PDE10A: variants seen among roughly 807,000 people sequenced by gnomAD.
The protein encoded by PDE10A is cAMP and cAMP-inhibited cGMP 3',5'-cyclic phosphodiesterase 10A.
In PDE10A, 39 loss-of-function variants were observed where a neutral mutation model predicts 97.7. That is an observed-to-expected ratio of 0.40 (90% CI 0.31 to 0.52). The LOEUF is 0.52. Ranked by LOEUF, PDE10A falls within the 20% of genes least tolerant of loss-of-function variation. The pLI is 0.56. For synonymous variants in PDE10A, 371 were observed against 376.8 expected (o/e 0.98, Z 0.18); for missense variants, 731 against 1,047.8 (o/e 0.70, Z 4.17).
intron 1 of PDE10A, among the ~76,000 whole-genome samples, chr6:165,831,979 C>CA (rs57824477): frequency 0.06 from 9,126 of 151,814 alleles, 389 homozygotes; most frequent in African/African-American, 0.12. Flanking sequence ...TGCAAACAAA[C>CA]AAAAAAACCA....
chr6:165,464,557 A>T (rs1419372075), intron 3 of PDE10A, among the ~76,000 whole-genome samples: 2 of 152,228 alleles, frequency 1.3e-5, no homozygotes, highest in African/African-American at 4.8e-5. Context: ...ACACTGAAAT[A>T]TACAAATCTT....
intron 17 of PDE10A, among the ~76,000 whole-genome samples, chr6:165,382,713 C>T (rs531494279): frequency 3.4e-5 from 5 of 145,744 alleles, no homozygotes; most frequent in African/African-American, 1.3e-4. Flanking sequence ...CATGATAAAA[C>T]GATTACTATT....
rs770914894 is a variant in PDE10A, at chr6:165,661,905, G to A, written c.865+42C>T. On this transcript the variant is annotated intron_variant, in intron 1 of 21. Transcript: ENST00000539869. This position sits in a 1 kb window ranked among gnomAD's most constrained non-coding sequence, Gnocchi z 4.8. The stretch of plus-strand genomic sequence containing the variant: ...CCCCCCACCTGCCCCCAGGGGATGA[G>A]GAGCCGCCCCACCTCCGGGGAACGG... 24 of 802,144 alleles carry A rather than the reference G, an allele frequency of 3.0e-5. No homozygotes were observed. In the South Asian group the frequency reaches 3.5e-4, roughly 12 times the overall value. The allele number at this position is 802,144 out of a possible 1,614,324, so 49.7% of individuals were successfully genotyped here. A position where few individuals can be genotyped will look rare whatever the true frequency, so the allele number is the denominator to read the frequency against.
At position 165,428,351 on chromosome 6, in the gene PDE10A, A is replaced by G. The variant is rs138293468; in HGVS notation, c.1653+307T>C. On this transcript the variant is annotated intron_variant, in intron 10 of 21. Coordinates refer to ENST00000539869, the MANE Select transcript of PDE10A (RefSeq NM_001385079.1). ...GAACTTGAAGATCAGGAAAAAATCA[A>G]TCGAGAATTCCCCACATGTCCCATA... Among the ~76,000 whole-genome samples, 572 of 152,280 alleles carry G rather than the reference A, an allele frequency of 3.8e-3. 3 individuals carry two copies. Among genetic ancestry groups the G allele is most frequent in the African/African-American group, 0.013 (551 of 41,578 alleles).
At chr6:165,590,613 C>G (rs1460228902) in intron 1 of PDE10A, among the ~76,000 whole-genome samples, 1 of 152,182 alleles carries the variant, frequency 6.6e-6, no homozygotes, top group East Asian at 1.9e-4. Flanking sequence ...TTAAGATGGT[C>G]AGGCACAGTG....
intron 1 of PDE10A, among the ~76,000 whole-genome samples, chr6:165,794,080 CTGTT>C (rs1454247842): frequency 2.0e-5 from 3 of 152,016 alleles, no homozygotes; most frequent in Non-Finnish European, 2.9e-5. Flanking sequence ...CTCCAGCCTC[CTGTT>C]TATTGTGATG....
intron 1 of PDE10A, among the ~76,000 whole-genome samples, chr6:165,794,945 T>A (rs955047982): frequency 1.3e-5 from 2 of 152,218 alleles, no homozygotes; most frequent in Non-Finnish European, 2.9e-5. Context: ...CTGCACACAA[T>A]CCTATTATAG....
chr6:165,484,657 A>G (rs2128282747), intron 2 of PDE10A, among the ~76,000 whole-genome samples: 1 of 152,292 alleles, frequency 6.6e-6, no homozygotes, highest in South Asian at 2.1e-4. Context: ...TTGCACACTC[A>G]TATCAAAACT....
chr6:165,596,844 T>C (rs1274703993), intron 1 of PDE10A, among the ~76,000 whole-genome samples: 1 of 152,146 alleles, frequency 6.6e-6, no homozygotes, highest in African/African-American at 2.4e-5. Flanking sequence ...TAGGAGAACG[T>C]TGCTCTCCTC....
rs1423903202 is a variant in PDE10A at position 165,819,268 on chromosome 6, G to C, written c.-615+168261C>G. The stretch of plus-strand genomic sequence containing the variant: ...ATGATTTTTGACTCCTGCCCTCTCC[G>C]TCCACACGTCAGCAGTTGCCCAGCC... On this transcript the variant is annotated intron_variant, in intron 1 of 19. Coordinates refer to the PDE10A transcript ENST00000366882. The surrounding 1 kb of genome is among the most constrained non-coding windows in gnomAD (Gnocchi z 4.2). Among the ~76,000 whole-genome samples, 1 of 152,088 alleles carries C rather than the reference G, an allele frequency of 6.6e-6. No homozygotes were observed. The highest frequency in any genetic ancestry group is 1.5e-5 in the Non-Finnish European group (1 of 68,016).
At chr6:165,854,816 C>A (rs1405506998) in intron 1 of PDE10A, among the ~76,000 whole-genome samples, 4 of 152,150 alleles carry the variant, frequency 2.6e-5, no homozygotes, top group Non-Finnish European at 1.5e-5. Context: ...CAGGGCAGGG[C>A]GGCCCGTGGC....
intron 20 of PDE10A, among the ~76,000 whole-genome samples, chr6:165,337,484 AT>A (rs1249144196): frequency 3.2e-4 from 48 of 152,208 alleles, no homozygotes; most frequent in African/African-American, 1.1e-3. Context: ...TGTTATTTCC[AT>A]TTTTAACTTT....
At chr6:165,619,817 C>G (rs1788038715) in intron 1 of PDE10A, among the ~76,000 whole-genome samples, 1 of 151,876 alleles carries the variant, frequency 6.6e-6, no homozygotes, top group African/African-American at 2.4e-5. Context: ...TCTCAGGAAT[C>G]AGACAACCCC....
intron 1 of PDE10A, among the ~76,000 whole-genome samples, chr6:165,689,880 T>C (rs1160283020): frequency 6.6e-6 from 1 of 152,180 alleles, no homozygotes; most frequent in Non-Finnish European, 1.5e-5. Context: ...CATACCCTGA[T>C]GCAATGTCCA....
intron 1 of PDE10A, among the ~76,000 whole-genome samples, chr6:165,971,289 G>A (rs1008289503): frequency 1.3e-5 from 2 of 152,022 alleles, no homozygotes; most frequent in African/African-American, 2.4e-5. Context: ...TCATTGACTC[G>A]TGAGCACCTC....
chr6:165,940,298 C>G (rs1260811671), intron 1 of PDE10A: 2 of 152,214 alleles, frequency 1.3e-5, no homozygotes, highest in Non-Finnish European at 2.9e-5. Context: ...CCCAAATAAA[C>G]GTGGAAAAAG....
intron 1 of PDE10A, among the ~76,000 whole-genome samples, chr6:165,733,612 T>C (rs1792493171): frequency 6.6e-6 from 1 of 152,160 alleles, no homozygotes; most frequent in African/African-American, 2.4e-5. Context: ...GTGGGTGGAA[T>C]TGCAAAGATA....
At position 165,905,899 on chromosome 6, in the gene PDE10A, G is replaced by A. The variant is rs62428060; in HGVS notation, c.-615+81630C>T. On this transcript the variant is annotated intron_variant, in intron 1 of 19. Transcript: ENST00000366882. ...TCTAGTCATAAAAGTAATAGTATAC[G>A]TTCTTGTAATTGAGAAAAATGTGTT... Among the ~76,000 whole-genome samples the A allele has an allele frequency of 3.2e-3, 493 of 151,880 alleles. 3 individuals carry two copies. Among genetic ancestry groups the A allele is most frequent in the Non-Finnish European group, 4.3e-3 (295 of 67,944 alleles).
chr6:165,906,172 T>G (rs886792630), intron 1 of PDE10A, among the ~76,000 whole-genome samples: 2 of 147,758 alleles, frequency 1.4e-5, no homozygotes. Context: ...GATCTTGGAA[T>G]AGTAGACTCC....
Sources: gnomAD v4.1 joint callset for allele counts (sites outside exome capture counted in the v4.1 genomes callset) on GRCh38, gnomAD v4.1.1 for gene constraint, Gnocchi (gnomAD v3.1) non-coding constraint, MANE v1.5 for transcripts, NCBI Gene and HGNC (gene_info 2026-07-23, HGNC 2026-07-21) for gene names.